Variants in CFAP20DC observed in about 807,000 individuals in gnomAD.
CFAP20DC encodes CFAP20 domain containing.
CFAP20DC carries 84 observed loss-of-function variants against 101.7 expected under a neutral mutation model. That is an observed-to-expected ratio of 0.83 (90% CI 0.69 to 0.99). The LOEUF is 0.99. Ranked by LOEUF, CFAP20DC falls within the 50% of genes least tolerant of loss-of-function variation. The probability of loss-of-function intolerance (pLI) is 0.00; values close to 1 mark genes in which losing one functional copy is unlikely to be tolerated. For missense variants in CFAP20DC, 1,007 were observed against 970.3 expected (o/e 1.04, Z -0.50); for synonymous variants, 359 against 351.2 (o/e 1.02, Z -0.25).
chr3:58,900,096 A>T (rs538062459), intron 6 of CFAP20DC, among the ~76,000 whole-genome samples: 2 of 152,352 alleles, frequency 1.3e-5, no homozygotes, highest in Admixed American at 1.3e-4. Flanking sequence ...AGTAGAAAGT[A>T]GCCTGATAAA....
chr3:58,807,224 G>C (rs924453723), intron 14 of CFAP20DC, among the ~76,000 whole-genome samples: 10 of 152,202 alleles, frequency 6.6e-5, no homozygotes, highest in African/African-American at 2.4e-4. Flanking sequence ...GGTTCTCCCA[G>C]CACGCAGCTG....
intron 6 of CFAP20DC, among the ~76,000 whole-genome samples, chr3:58,891,979 G>A (rs573372115): frequency 6.6e-6 from 1 of 152,194 alleles, no homozygotes; most frequent in African/African-American, 2.4e-5. Context: ...TTACATTTAA[G>A]TCTTTAATCC....
Position 59,039,575 on chromosome 3 carries a change from T to A in CFAP20DC, c.260A>T (p.Asp87Val). The A allele has an allele frequency of 3.9e-6, 6 of 1,525,944 alleles. No homozygotes were observed. Among genetic ancestry groups the A allele is most frequent in the Non-Finnish European group, 5.3e-6 (6 of 1,140,164 alleles). The allele number at this position is 1,525,944 out of a possible 1,614,324, so 94.5% of individuals were successfully genotyped here. A position where few individuals can be genotyped will look rare whatever the true frequency, so the allele number is the denominator to read the frequency against. ...ATCTTACAGCAATTCAGTGGAGAAG[T>A]CTTGTCCCAGGGGTACGTAAATCTG... Reference protein sequence around the residue: ...VLQIYVPLGQDFSTELLITDL... With the variant: ...VLQIYVPLGQVFSTELLITDL... Residue 87 changes from aspartate to valine, a missense_variant, in exon 4 of 17, where the codon GAC becomes GTC. By Grantham distance (152) the Asp-to-Val change is radical. Transcript: ENST00000482387.
At chr3:58,896,330 AC>A in intron 6 of CFAP20DC, among the ~76,000 whole-genome samples, 1 of 151,988 alleles carries the variant, frequency 6.6e-6, no homozygotes, top group African/African-American at 2.4e-5. Context: ...TTTTCAAGAA[AC>A]CAGCTCCTGG....
At chr3:58,975,017 G>A (rs1274880562) in intron 4 of CFAP20DC, among the ~76,000 whole-genome samples, 2 of 152,166 alleles carry the variant, frequency 1.3e-5, no homozygotes, top group Non-Finnish European at 2.9e-5. Context: ...GTTAGTAGGA[G>A]TTCGGCAAAC....
chr3:58,981,372 G>T (rs1032445782), intron 4 of CFAP20DC, among the ~76,000 whole-genome samples: 6 of 151,858 alleles, frequency 4.0e-5, no homozygotes, highest in Non-Finnish European at 5.9e-5. Flanking sequence ...AGTTCATATG[G>T]AACCAAAAAA....
rs1030449095 is a variant in CFAP20DC, at chr3:58,864,010, T to A, written c.1259-118A>T. On this transcript the variant is annotated intron_variant, in intron 11 of 16. Transcript: ENST00000482387. This position sits in a 1 kb window ranked among gnomAD's most constrained non-coding sequence, Gnocchi z 4.7. The stretch of plus-strand genomic sequence containing the variant: ...TCTCACTCTGCCGCCTAGGCTGCAG[T>A]GCAGTCACGCGATCTCGGCTCACTG... 5 of 987,772 alleles carry A rather than the reference T, an allele frequency of 5.1e-6. No homozygotes were observed. In the African/African-American group the frequency reaches 6.6e-5, roughly 13 times the overall value. The allele number at this position is 987,772 out of a possible 1,614,324, so 61.2% of individuals were successfully genotyped here. A position where few individuals can be genotyped will look rare whatever the true frequency, so the allele number is the denominator to read the frequency against.
At chr3:58,848,636 TG>T (rs1256794966) in intron 13 of CFAP20DC, among the ~76,000 whole-genome samples, 6 of 152,190 alleles carry the variant, frequency 3.9e-5, no homozygotes, top group Non-Finnish European at 5.9e-5. Flanking sequence ...AATAGAATAA[TG>T]GTGTTTTTAT....
rs1180594096 is a variant in CFAP20DC at position 58,724,615 on chromosome 3, C to T, written c.198-6987G>A. On this transcript the variant is annotated intron_variant, in intron 3 of 3. Transcript: ENST00000486145. This position sits in a 1 kb window ranked among gnomAD's most constrained non-coding sequence, Gnocchi z 5.6. ...ACAGATTACGCCTATGACGCACTGC[C>T]ACCCTTTCACTGTTTCGCCCGGAAC... Among the ~76,000 whole-genome samples, 1 of 152,194 alleles carries T rather than the reference C, an allele frequency of 6.6e-6. No homozygotes were observed. Among genetic ancestry groups the T allele is most frequent in the Non-Finnish European group, 1.5e-5 (1 of 68,032 alleles).
chr3:58,906,953 A>T (rs554597552), intron 6 of CFAP20DC, among the ~76,000 whole-genome samples: 1 of 152,280 alleles, frequency 6.6e-6, no homozygotes, highest in East Asian at 1.9e-4. Flanking sequence ...AACAAGATGC[A>T]GTCTGGAAAG....
intron 13 of CFAP20DC, among the ~76,000 whole-genome samples, chr3:58,842,635 G>C (rs1046214666): frequency 6.6e-6 from 1 of 152,240 alleles, no homozygotes; most frequent in Non-Finnish European, 1.5e-5. Flanking sequence ...AAAGCAGCCA[G>C]GAAGCTCTAA....
intron 5 of CFAP20DC, among the ~76,000 whole-genome samples, chr3:58,923,442 G>C (rs1411569636): frequency 7.9e-5 from 12 of 152,052 alleles, no homozygotes; most frequent in Admixed American, 7.9e-4. Context: ...TTTTTAGTCT[G>C]AAAATGTCTT....
intron 4 of CFAP20DC, among the ~76,000 whole-genome samples, chr3:58,986,789 T>C (rs1205195307): frequency 6.6e-6 from 1 of 152,056 alleles, no homozygotes; most frequent in Non-Finnish European, 1.5e-5. Context: ...CAATCCATGC[T>C]ACAGGTACTC....
At position 58,914,915 on chromosome 3, in the gene CFAP20DC, G is replaced by A. The variant is rs1010167524; in HGVS notation, c.394-1051C>T. 3.9e-5 allele frequency: 6 copies of A among 152,114 alleles called. No individual in the cohort carries two copies. Among genetic ancestry groups the A allele is most frequent in the Admixed American group, 3.9e-4 (6 of 15,250 alleles). The allele number at this position is 152,114 out of a possible 1,614,324, so 9.4% of individuals were successfully genotyped here. Reference sequence around the variant, plus strand: ...GTCTTTGTGGAGAGAGGAGCCTGGTGTCAGCAAAGGCAGCAGGTAAACTGA... The same window carrying A: ...GTCTTTGTGGAGAGAGGAGCCTGGTATCAGCAAAGGCAGCAGGTAAACTGA... On this transcript the variant is annotated intron_variant, in intron 5 of 16. Transcript: ENST00000482387. This position sits in a 1 kb window ranked among gnomAD's most constrained non-coding sequence, Gnocchi z 4.9.
At chr3:58,997,267 A>T (rs1322592221) in intron 4 of CFAP20DC, among the ~76,000 whole-genome samples, 1 of 152,228 alleles carries the variant, frequency 6.6e-6, no homozygotes, top group African/African-American at 2.4e-5. Flanking sequence ...CTTGTGAAAT[A>T]AGTACTATTA....
At chr3:58,870,894 C>CAAAAA (rs548763648) in intron 7 of CFAP20DC, among the ~76,000 whole-genome samples, 79 of 18,926 alleles carry the variant, frequency 4.2e-3, no homozygotes, top group African/African-American at 6.7e-3. Context: ...GACTCCGTCT[C>CAAAAA]AAAAAAAAAA....
At chr3:58,930,961 G>T (rs2086574414) in intron 5 of CFAP20DC, among the ~76,000 whole-genome samples, 1 of 152,160 alleles carries the variant, frequency 6.6e-6, no homozygotes, top group South Asian at 2.1e-4. Flanking sequence ...CCGAAGCAGG[G>T]CGAGGCATTG....
At position 58,799,069 on chromosome 3, in the gene CFAP20DC, A is replaced by G. The variant is rs1343909319; in HGVS notation, c.2237+7326T>C. Reference sequence around the variant, plus strand: ...CTGAGGTACGCTTGTATGTATATATATAATGTGTATATATGTATGTGTATG... The same window carrying G: ...CTGAGGTACGCTTGTATGTATATATGTAATGTGTATATATGTATGTGTATG... On this transcript the variant is annotated intron_variant, in intron 15 of 16. Coordinates refer to ENST00000482387, the MANE Select transcript of CFAP20DC (RefSeq NM_001394063.1). This position sits in a 1 kb window ranked among gnomAD's most constrained non-coding sequence, Gnocchi z 4.9. Among the ~76,000 whole-genome samples, 1 of 152,126 alleles carries G rather than the reference A, an allele frequency of 6.6e-6. No homozygotes were observed. The highest frequency in any genetic ancestry group is 1.5e-5 in the Non-Finnish European group (1 of 68,036).
At chr3:58,884,404 G>C in intron 7 of CFAP20DC, 141 bp downstream of exon 7, 1 of 674,638 alleles carries the variant, frequency 1.5e-6, no homozygotes, top group Non-Finnish European at 2.5e-6. Context: ...TGTAGCCCCT[G>C]GCGTGGTATG....
Sources: gnomAD v4.1 joint callset for allele counts (sites outside exome capture counted in the v4.1 genomes callset) on GRCh38, gnomAD v4.1.1 for gene constraint, Gnocchi (gnomAD v3.1) non-coding constraint, MANE v1.5 for transcripts, NCBI Gene and HGNC (gene_info 2026-07-23, HGNC 2026-07-21) for gene names.